Variants in PLXNA4 observed in about 807,000 individuals in gnomAD.
PLXNA4 encodes plexin A4.
PLXNA4 carries 44 observed loss-of-function variants against 191.8 expected under a neutral mutation model. That is an observed-to-expected ratio of 0.23 (90% confidence interval 0.18 to 0.29). The LOEUF is 0.29. PLXNA4 is among the 10% of genes least tolerant of loss of function. The pLI is 1.00. For synonymous variants in PLXNA4, 1,082 were observed against 1,009.5 expected, an observed-to-expected ratio of 1.07 and a Z score of -1.36; for missense variants, 1,800 against 2,488.8, an observed-to-expected ratio of 0.72 and a Z score of 5.89.
At chr7:132,606,804 T>C (rs1204693406) in intron 2 of PLXNA4, among the ~76,000 whole-genome samples, 1 of 152,152 alleles carries the variant, frequency 6.6e-6, no homozygotes, top group Non-Finnish European at 1.5e-5. Flanking sequence ...GGCAAAAAAT[T>C]TCATTCATCA....
At chr7:132,325,749 A>G (rs1373627135) in intron 3 of PLXNA4, among the ~76,000 whole-genome samples, 1 of 152,128 alleles carries the variant, frequency 6.6e-6, no homozygotes, top group Non-Finnish European at 1.5e-5. Context: ...ATAAACTCCT[A>G]ATGCCCCAGG....
rs910340478 is a variant in PLXNA4 at position 132,147,032 on chromosome 7, C to T, written c.4865-332G>A. 9.2e-5 allele frequency among the ~76,000 whole-genome samples: 14 copies of T among 152,314 alleles called. No individual in the cohort carries two copies. In the South Asian group the frequency reaches 1.5e-3, roughly 16 times the overall value. ...TTTCCTTGTAAGAGTTCTCAAGTCA[C>T]GTCTCAGGATGTGTTCTGTGCAGCC... On this transcript the variant is annotated intron_variant, in intron 27 of 31. Coordinates refer to ENST00000321063, the MANE Select transcript of PLXNA4 (RefSeq NM_020911.2).
chr7:132,144,069 T>C lies in PLXNA4; in HGVS notation c.5225+1050A>G, dbSNP rs1795351359. Reference sequence around the variant, plus strand: ...TGGGGCCCAGGGCTAGGTGCCAGGGTGCTTCGCTGAGCCCTAATGCTTTGC... The same window carrying C: ...TGGGGCCCAGGGCTAGGTGCCAGGGCGCTTCGCTGAGCCCTAATGCTTTGC... On this transcript the variant is annotated intron_variant, in intron 29 of 31. Coordinates refer to ENST00000321063, the MANE Select transcript of PLXNA4 (RefSeq NM_020911.2). Among the ~76,000 whole-genome samples the C allele has an allele frequency of 2.6e-5, 4 of 152,156 alleles. No homozygotes were observed. The South Asian group carries it at 8.3e-4, about 32-fold the overall frequency.
At chr7:132,255,499 C>T (rs1376009913) in intron 4 of PLXNA4, among the ~76,000 whole-genome samples, 5 of 152,150 alleles carry the variant, frequency 3.3e-5, no homozygotes, top group African/African-American at 4.8e-5. Flanking sequence ...ACAACATTCA[C>T]GTTAATGCAA....
intron 14 of PLXNA4, among the ~76,000 whole-genome samples, chr7:132,189,352 A>G (rs1035027867): frequency 1.3e-5 from 2 of 152,138 alleles, no homozygotes; most frequent in African/African-American, 4.8e-5. Flanking sequence ...AGGAAATCAA[A>G]TTCTGCATTA....
chr7:132,455,248 T>C (rs1221570539), intron 3 of PLXNA4, among the ~76,000 whole-genome samples: 1 of 152,060 alleles, frequency 6.6e-6, no homozygotes, highest in Non-Finnish European at 1.5e-5. Flanking sequence ...AGCCCAAGGA[T>C]GGAAAATCAT....
At chr7:132,390,787 T>C (rs2116990284) in intron 3 of PLXNA4, among the ~76,000 whole-genome samples, 1 of 152,252 alleles carries the variant, frequency 6.6e-6, no homozygotes, top group African/African-American at 2.4e-5. Context: ...GCACTTGCAC[T>C]CCTTGAAAGT....
At chr7:132,354,599 CT>C (rs1415996910) in intron 3 of PLXNA4, among the ~76,000 whole-genome samples, 1 of 152,274 alleles carries the variant, frequency 6.6e-6, no homozygotes, top group Non-Finnish European at 1.5e-5. Flanking sequence ...CTTGGATGTG[CT>C]TTTTTGTCCA....
intron 4 of PLXNA4, among the ~76,000 whole-genome samples, chr7:132,245,161 G>A (rs1799006260): frequency 6.6e-6 from 1 of 152,078 alleles, no homozygotes; most frequent in Non-Finnish European, 1.5e-5. Flanking sequence ...ACTGAGTGAG[G>A]GAATTCAGAC....
intron 4 of PLXNA4, among the ~76,000 whole-genome samples, chr7:132,295,577 C>T (rs1214631172): frequency 2.0e-5 from 3 of 152,172 alleles, no homozygotes; most frequent in Non-Finnish European, 4.4e-5. Context: ...GTATATTTAT[C>T]AAGCTGCTTT....
intron 4 of PLXNA4, among the ~76,000 whole-genome samples, chr7:132,254,479 C>T (rs1005063880): frequency 6.6e-6 from 1 of 152,152 alleles, no homozygotes; most frequent in Non-Finnish European, 1.5e-5. Flanking sequence ...AGCCACTTAT[C>T]AAAAATGTGT....
chr7:132,178,730 A>ACACACT (rs1174821067), intron 20 of PLXNA4, among the ~76,000 whole-genome samples: 2 of 118,286 alleles, frequency 1.7e-5, no homozygotes, highest in Non-Finnish European at 3.2e-5. Context: ...ACACACACAC[A>ACACACT]CTTGTAAATG....
At chr7:132,544,759 C>T (rs1184158551) in intron 1 of PLXNA4, among the ~76,000 whole-genome samples, 1 of 152,156 alleles carries the variant, frequency 6.6e-6, no homozygotes, top group Admixed American at 6.5e-5. Context: ...ATATTTTTTC[C>T]TCCCTTCCAT....
intron 25 of PLXNA4, among the ~76,000 whole-genome samples, chr7:132,152,202 C>G (rs78662199): frequency 6.6e-6 from 1 of 152,182 alleles, no homozygotes; most frequent in Admixed American, 6.5e-5. Context: ...CAAAGACCAT[C>G]GCAGGTGGCT....
At chr7:132,151,453 AAGG>A (rs1234320895) in intron 25 of PLXNA4, among the ~76,000 whole-genome samples, 3 of 24,970 alleles carry the variant, frequency 1.2e-4, no homozygotes, top group African/African-American at 2.6e-4. Context: ...GAGGAAGAAG[AAGG>A]AGGAGGAGGA....
At chr7:132,526,002 A>C (rs896757792) in intron 1 of PLXNA4, among the ~76,000 whole-genome samples, 9 of 152,232 alleles carry the variant, frequency 5.9e-5, no homozygotes, top group Non-Finnish European at 1.0e-4. Context: ...TCCATGGTAC[A>C]CACCTTGGGA....
chr7:132,391,963 C>T (rs2116995705), intron 3 of PLXNA4, among the ~76,000 whole-genome samples: 1 of 152,104 alleles, frequency 6.6e-6, no homozygotes, highest in South Asian at 2.1e-4. Flanking sequence ...CCCATCTCTA[C>T]TAAAAATATG....
chr7:132,624,840 C>G (rs1185958218), intron 2 of PLXNA4, among the ~76,000 whole-genome samples: 1 of 152,160 alleles, frequency 6.6e-6, no homozygotes, highest in African/African-American at 2.4e-5. Context: ...TCACCTACCT[C>G]TAAGTCAGTC....
chr7:132,159,451 C>G, intron 25 of PLXNA4, 22 bp downstream of exon 25: 1 of 1,612,942 alleles, frequency 6.2e-7, no homozygotes, highest in South Asian at 1.1e-5. Flanking sequence ...AAGGACAGCC[C>G]CTGGGTGGAC....
Sources: allele counts gnomAD v4.1 joint callset (sites outside exome capture counted in the v4.1 genomes callset), GRCh38; gene constraint gnomAD v4.1.1; transcripts MANE v1.5; gene names NCBI Gene and HGNC (gene_info 2026-07-23, HGNC 2026-07-21).